Variants in SH3BP4 observed in about 807,000 individuals in gnomAD.
SH3BP4 encodes the protein SH3 domain binding protein 4, also known as SH3 domain-binding protein 4.
SH3BP4 carries 33 observed loss-of-function variants against 65.5 expected under a neutral mutation model. The observed-to-expected ratio is 0.50, with a 90% confidence interval of 0.38 to 0.67. The LOEUF (loss-of-function observed/expected upper bound fraction) is 0.67, where lower values mean the gene tolerates loss of function less well. Among genes scored for constraint, SH3BP4 ranks in the 30% least tolerant of loss-of-function variants. The pLI is 0.00. For synonymous variants in SH3BP4, 552 were observed against 545.5 expected (o/e 1.01, Z -0.17); for missense variants, 1,134 against 1,261.4 (o/e 0.90, Z 1.53).
intron 2 of SH3BP4, among the ~76,000 whole-genome samples, chr2:235,003,081 ACTT>A (rs1694183102): frequency 6.6e-6 from 1 of 152,248 alleles, no homozygotes; most frequent in African/African-American, 2.4e-5. Context: ...AGTTTGCCCA[ACTT>A]GGATGCTACG....
At position 235,034,863 on chromosome 2, in the gene SH3BP4, A is replaced by G. The variant is rs1695322323; in HGVS notation, c.-132-8A>G. 9.1e-6 allele frequency: 6 copies of G among 661,634 alleles called. No individual in the cohort carries two copies. Among genetic ancestry groups the G allele is most frequent in the Non-Finnish European group, 1.3e-5 (5 of 385,696 alleles). 41.0% of individuals were successfully genotyped at this position (661,634 alleles called of 1,614,324 possible). A position where few individuals can be genotyped will look rare whatever the true frequency, so the allele number is the denominator to read the frequency against. On this transcript the variant is annotated splice_region_variant and splice_polypyrimidine_tract_variant and intron_variant, in intron 2 of 5. Coordinates refer to ENST00000392011, the MANE Select transcript of SH3BP4 (RefSeq NM_014521.3). The surrounding 1 kb of genome is among the most constrained non-coding windows in gnomAD (Gnocchi z 6.2). Reference sequence around the variant, plus strand: ...TAAGGGACTTTTTTGTTCCTCCTCTACTTTCAGGAAGAAACATATTGCCGA... The same window carrying G: ...TAAGGGACTTTTTTGTTCCTCCTCTGCTTTCAGGAAGAAACATATTGCCGA...
rs549003484 is a variant in SH3BP4 at position 234,978,184 on chromosome 2, G to A, written c.-206-17119G>A. On this transcript the variant is annotated intron_variant, in intron 1 of 5. Transcript: ENST00000392011. The surrounding 1 kb of genome is among the most constrained non-coding windows in gnomAD (Gnocchi z 4.1). ...TTGGCCAGGCTGGAATCGAACTCCC[G>A]ACCTCAGGTGATCCGCCTGCCTCAG... is the stretch of plus-strand genomic sequence containing the variant. Among the ~76,000 whole-genome samples, 5 of 152,280 alleles carry A rather than the reference G, an allele frequency of 3.3e-5. No individual in the cohort carries two copies. Among genetic ancestry groups the A allele is most frequent in the South Asian group, 4.2e-4 (2 of 4,818 alleles).
At chr2:234,992,225 G>T (rs976803124) in intron 1 of SH3BP4, among the ~76,000 whole-genome samples, 3 of 152,364 alleles carry the variant, frequency 2.0e-5, no homozygotes, top group South Asian at 4.1e-4. Context: ...TTCCAGCGAA[G>T]ATTTATTTTG....
chr2:234,959,199 C>T (rs1484668873), intron 1 of SH3BP4, among the ~76,000 whole-genome samples: 2 of 152,220 alleles, frequency 1.3e-5, no homozygotes, highest in South Asian at 2.1e-4. Context: ...TTCACACTGC[C>T]TTCTCAGACA....
chr2:235,044,083 C>A (rs1695766532), intron 4 of SH3BP4, among the ~76,000 whole-genome samples: 1 of 152,218 alleles, frequency 6.6e-6, no homozygotes, highest in South Asian at 2.1e-4. Context: ...TCCAGAGTCC[C>A]ACGAACCGCT....
At chr2:234,990,167 C>T (rs1693705064) in intron 1 of SH3BP4, among the ~76,000 whole-genome samples, 1 of 152,166 alleles carries the variant, frequency 6.6e-6, no homozygotes, top group African/African-American at 2.4e-5. Flanking sequence ...AAATCCAAAG[C>T]ACTTCTCGTC....
In SH3BP4 at chr2:234,967,850, CTT is replaced by C. The variant is rs936129189; in HGVS notation, c.-207+15682_-207+15683del. On this transcript the variant is annotated intron_variant, in intron 1 of 5. Transcript: ENST00000392011. This position sits in a 1 kb window ranked among gnomAD's most constrained non-coding sequence, Gnocchi z 4.6. ...AGTGGCGGATGCTGCAGAGACAACT[CTT>C]TATACCTGAGAAGCTTGCCCTCAGG... Among the ~76,000 whole-genome samples the C allele has an allele frequency of 1.3e-5, 2 of 152,196 alleles. No individual in the cohort carries two copies. The highest frequency in any genetic ancestry group is 4.8e-5 in the African/African-American group (2 of 41,450).
At chr2:235,023,104 C>G (rs976043510) in intron 2 of SH3BP4, among the ~76,000 whole-genome samples, 1 of 152,152 alleles carries the variant, frequency 6.6e-6, no homozygotes, top group Admixed American at 6.6e-5. Context: ...GTTAGATCCA[C>G]CAGGATTAGT....
rs1450948544 is a variant in SH3BP4, at chr2:234,997,850, CG to C, written c.-133+2476del. 1.3e-5 allele frequency among the ~76,000 whole-genome samples: 2 copies of C among 152,118 alleles called. No individual in the cohort carries two copies. The highest frequency in any genetic ancestry group is 4.8e-5 in the African/African-American group (2 of 41,420). On this transcript the variant is annotated intron_variant, in intron 2 of 5. Transcript: ENST00000392011. The surrounding 1 kb of genome is among the most constrained non-coding windows in gnomAD (Gnocchi z 4.2). Reference sequence around the variant, plus strand: ...TTAAGAAGAATCAGAAGACTGGGTGCGGTGGCTCATGCCTGTAATCCCAGCA... The same window carrying C: ...TTAAGAAGAATCAGAAGACTGGGTGCGTGGCTCATGCCTGTAATCCCAGCA...
rs1696147532 is a variant in SH3BP4 at position 235,053,963 on chromosome 2, C to T, written c.*147C>T. On this transcript the variant is annotated 3_prime_UTR_variant, in exon 6 of 6. Coordinates refer to ENST00000392011, the MANE Select transcript of SH3BP4 (RefSeq NM_014521.3). ...CCAGCTAGGCTACACCCATCATGCG[C>T]CGCCCTCCTCCATCGAGGGAGAGGC... 1 of 628,322 alleles carries T rather than the reference C, an allele frequency of 1.6e-6. No homozygotes were observed. Among genetic ancestry groups the T allele is most frequent in the Non-Finnish European group, 2.8e-6 (1 of 358,978 alleles). The allele number at this position is 628,322 out of a possible 1,614,324, so 38.9% of individuals were successfully genotyped here. A position where few individuals can be genotyped will look rare whatever the true frequency, so the allele number is the denominator to read the frequency against.
intron 3 of SH3BP4, among the ~76,000 whole-genome samples, chr2:235,038,339 G>GTA (rs1309126061): frequency 0.03 from 362 of 11,998 alleles, 8 homozygotes; most frequent in Non-Finnish European, 0.041. Flanking sequence ...ATTATATATA[G>GTA]TATATATATT....
chr2:235,009,254 AGTGT>A (rs1694397486), intron 2 of SH3BP4, among the ~76,000 whole-genome samples: 1 of 152,014 alleles, frequency 6.6e-6, no homozygotes, highest in Non-Finnish European at 1.5e-5. Flanking sequence ...TCCGGCCTGC[AGTGT>A]GTGTCTGTCT....
Position 235,025,295 on chromosome 2 carries a change from C to G in SH3BP4, c.-132-9576C>G, listed in dbSNP as rs1486042826. On this transcript the variant is annotated intron_variant, in intron 2 of 5. Coordinates refer to ENST00000392011, the MANE Select transcript of SH3BP4 (RefSeq NM_014521.3). ...TGAAGAGCTTTGACCCAGGAGCGCACTAGGGAAGCGAGCCAAGGTGTCTGC... is the reference window on the plus strand; with the variant it reads ...TGAAGAGCTTTGACCCAGGAGCGCAGTAGGGAAGCGAGCCAAGGTGTCTGC... Among the ~76,000 whole-genome samples, 11 of 152,140 alleles carry G rather than the reference C, an allele frequency of 7.2e-5. No individual in the cohort carries two copies. The East Asian group carries it at 1.9e-3, about 27-fold the overall frequency.
intron 1 of SH3BP4, among the ~76,000 whole-genome samples, chr2:234,980,954 C>A (rs1307268195): frequency 6.6e-6 from 1 of 152,078 alleles, no homozygotes; most frequent in East Asian, 1.9e-4. Context: ...CAGTGGCGCA[C>A]AAGCTCTGCC....
chr2:234,981,163 C>T (rs887268818), intron 1 of SH3BP4, among the ~76,000 whole-genome samples: 26 of 152,190 alleles, frequency 1.7e-4, no homozygotes, highest in Non-Finnish European at 1.0e-4. Context: ...TTTTCTGTCC[C>T]GGGAGGATAA....
chr2:234,966,302 G>C (rs1471651850), intron 1 of SH3BP4, among the ~76,000 whole-genome samples: 1 of 152,134 alleles, frequency 6.6e-6, no homozygotes, highest in East Asian at 1.9e-4. Flanking sequence ...CCAGGAGGTC[G>C]AAGTTGCAGT....
In SH3BP4 at chr2:234,997,485, G is replaced by C. The variant is rs1693958741; in HGVS notation, c.-133+2109G>C. Among the ~76,000 whole-genome samples, 1 of 152,200 alleles carries C rather than the reference G, an allele frequency of 6.6e-6. No homozygotes were observed. The highest frequency in any genetic ancestry group is 2.4e-5 in the African/African-American group (1 of 41,438). On this transcript the variant is annotated intron_variant, in intron 2 of 5. Transcript: ENST00000392011. The surrounding 1 kb of genome is among the most constrained non-coding windows in gnomAD (Gnocchi z 4.2). ...GCCTGGTGTCCTTCAGGATGAAGGAGGCAGCAGAAATGCTCCCTGACTCAG... is the reference window on the plus strand; with the variant it reads ...GCCTGGTGTCCTTCAGGATGAAGGACGCAGCAGAAATGCTCCCTGACTCAG...
Position 234,974,070 on chromosome 2 carries a change from A to G in SH3BP4, c.-206-21233A>G, listed in dbSNP as rs888547353. Reference sequence around the variant, plus strand: ...TCACTGGCTCTGGGAAAACTCATTTAGCGATTTGTGAAGGACCTGGCGCAG... The same window carrying G: ...TCACTGGCTCTGGGAAAACTCATTTGGCGATTTGTGAAGGACCTGGCGCAG... On this transcript the variant is annotated intron_variant, in intron 1 of 5. Transcript: ENST00000392011. The surrounding 1 kb of genome is among the most constrained non-coding windows in gnomAD (Gnocchi z 4.6). 2.0e-5 allele frequency among the ~76,000 whole-genome samples: 3 copies of G among 152,030 alleles called. No individual in the cohort carries two copies. Among genetic ancestry groups the G allele is most frequent in the African/African-American group, 7.2e-5 (3 of 41,408 alleles).
intron 1 of SH3BP4, among the ~76,000 whole-genome samples, chr2:234,961,112 T>A (rs1692698259): frequency 6.6e-6 from 1 of 152,146 alleles, no homozygotes; most frequent in Non-Finnish European, 1.5e-5. Flanking sequence ...ATGACCTCGG[T>A]CACATTTTTG....
Sources: allele counts gnomAD v4.1 joint callset (sites outside exome capture counted in the v4.1 genomes callset), GRCh38; gene constraint gnomAD v4.1.1; non-coding constraint Gnocchi (gnomAD v3.1); transcripts MANE v1.5; gene names NCBI Gene and HGNC (gene_info 2026-07-23, HGNC 2026-07-21).